SS18L1: variants seen among roughly 807,000 people sequenced by gnomAD.
SS18L1 encodes SS18L1 subunit of BAF chromatin remodeling complex, also known as calcium-responsive transactivator.
A neutral mutation model predicts 70.3 loss-of-function variants in SS18L1; 32 were observed. That is an observed-to-expected ratio of 0.46 (90% CI 0.34 to 0.61). SS18L1 has a LOEUF of 0.61. Among genes scored for constraint, SS18L1 ranks in the 20% least tolerant of loss-of-function variants. The pLI is 0.01. For synonymous variants in SS18L1, 237 were observed against 229.7 expected (o/e 1.03, Z -0.29); for missense variants, 430 against 542.1 (o/e 0.79, Z 2.05).
rs140078195 is a variant in SS18L1, at chr20:62,146,587, C to T, written c.69+2698C>T. 3.0e-3 allele frequency among the ~76,000 whole-genome samples: 418 copies of T among 139,744 alleles called. 1 individual carries two copies. Among genetic ancestry groups the T allele is most frequent in the African/African-American group, 8.8e-3 (323 of 36,736 alleles). 91.7% of individuals were successfully genotyped at this position (139,744 alleles called of 152,430 possible). On this transcript the variant is annotated intron_variant, in intron 1 of 10. Coordinates refer to ENST00000331758, the MANE Select transcript of SS18L1 (RefSeq NM_198935.3). ...TTCTCTGGCTTGTAGGTGCATCCAGCGTGTCTCTGCTTTGATCATTTTTTT... is the reference window on the plus strand; with the variant it reads ...TTCTCTGGCTTGTAGGTGCATCCAGTGTGTCTCTGCTTTGATCATTTTTTT...
chr20:62,162,779 C>A lies in SS18L1; in HGVS notation c.404C>A (p.Thr135Lys), dbSNP rs756376662. 1 of 1,611,692 alleles carries A rather than the reference C, an allele frequency of 6.2e-7. No individual in the cohort carries two copies. The highest frequency in any genetic ancestry group is 8.5e-7 in the Non-Finnish European group (1 of 1,179,098). Residue 135 changes from threonine (T) to lysine (K), a missense_variant, in exon 5 of 11, where the codon ACG (threonine) becomes AAG (lysine). Coordinates refer to ENST00000331758, the MANE Select transcript of SS18L1 (RefSeq NM_198935.3). The stretch of plus-strand genomic sequence containing the variant: ...CCGAGCCACGTGTCCATGCAGCAGA[C>A]GGCGCCTAACACGCTGCCCACCACC... ...NGPSHVSMQQTAPNTLPTTSM... is the reference protein window; with the variant it reads ...NGPSHVSMQQKAPNTLPTTSM...
chr20:62,168,813 CAAAAAT>C (rs995299703), intron 8 of SS18L1, among the ~76,000 whole-genome samples: 24 of 152,272 alleles, frequency 1.6e-4, no homozygotes, highest in Admixed American at 1.4e-3. Flanking sequence ...GACCCTGTCT[CAAAAAT>C]AAAAAGAATT....
In SS18L1 at chr20:62,163,460, T is replaced by G. The variant is rs2145744169; in HGVS notation, c.559T>G (p.Ser187Ala). ...TNINMQSNPV[S>A]MMQQQAATSH... is the part of the protein sequence containing the mutation. ...GGGGCCTCTGTCCTGTCGTTCAGTCTCCATGATGCAGCAGCAGGCGGCCAC... is the reference window on the plus strand; with the variant it reads ...GGGGCCTCTGTCCTGTCGTTCAGTCGCCATGATGCAGCAGCAGGCGGCCAC... The change falls in exon 6 of 11, where the codon TCC becomes GCC. Residue 187 changes from serine to alanine, a missense_variant and splice_region_variant. By Grantham distance (99) the Ser-to-Ala change is moderately conservative. Transcript: ENST00000331758. 6.2e-7 allele frequency: 1 copy of G among 1,612,108 alleles called. No homozygotes were observed. Among genetic ancestry groups the G allele is most frequent in the East Asian group, 2.2e-5 (1 of 44,852 alleles).
chr20:62,173,447 CGCCTATAATCCCA>C (rs1445256694), intron 9 of SS18L1, among the ~76,000 whole-genome samples: 1 of 152,174 alleles, frequency 6.6e-6, no homozygotes, highest in African/African-American at 2.4e-5. Flanking sequence ...TGGTGGCTCA[CGCCTATAATCCCA>C]GCACTTTGGG....
intron 3 of SS18L1, among the ~76,000 whole-genome samples, chr20:62,160,384 G>GGATGGGGAGA (rs2057306886): frequency 1.8e-5 from 2 of 114,226 alleles, no homozygotes; most frequent in East Asian, 2.3e-4. Context: ...GGGAGAGGTG[G>GGATGGGGAGA]GGTGGGGAGA....
intron 1 of SS18L1, among the ~76,000 whole-genome samples, chr20:62,153,703 T>A (rs1412716292): frequency 1.3e-5 from 2 of 152,164 alleles, no homozygotes; most frequent in Non-Finnish European, 2.9e-5. Context: ...CTAGTGTATC[T>A]CCTCCTTTGC....
Position 62,161,275 on chromosome 20 carries a change from G to C in SS18L1, c.232-161G>C. 1 of 957,708 alleles carries C rather than the reference G, an allele frequency of 1.0e-6. No individual in the cohort carries two copies. Among genetic ancestry groups the C allele is most frequent in the Non-Finnish European group, 1.6e-6 (1 of 621,002 alleles). The allele number at this position is 957,708 out of a possible 1,614,324, so 59.3% of individuals were successfully genotyped here. A position where few individuals can be genotyped will look rare whatever the true frequency, so the allele number is the denominator to read the frequency against. ...TCTCCATCTGGGCCTGGTGCTCTGC[G>C]GTCACCTGGCTGTGACGATGGCTGC... On this transcript the variant is annotated intron_variant, in intron 3 of 10. Coordinates refer to ENST00000331758, the MANE Select transcript of SS18L1 (RefSeq NM_198935.3). This position sits in a 1 kb window ranked among gnomAD's most constrained non-coding sequence, Gnocchi z 4.4.
chr20:62,162,904 A>G lies in SS18L1; in HGVS notation c.529A>G (p.Thr177Ala). Residue 177 changes from threonine (T) to alanine (A), a missense_variant, in exon 5 of 11, where the codon ACC becomes GCC. By Grantham distance (58) the Thr-to-Ala change is moderately conservative. Transcript: ENST00000331758. ...CACCATCGGCAACTACGTGTCTCGG[A>G]CCAACATCAACATGCAGTCCAACCC... ...QGTIGNYVSRTNINMQSNPVS... is the reference protein window; with the variant it reads ...QGTIGNYVSRANINMQSNPVS... 1.2e-6 allele frequency: 2 copies of G among 1,612,764 alleles called. No homozygotes were observed. The highest frequency in any genetic ancestry group is 1.7e-6 in the Non-Finnish European group (2 of 1,179,920).
In SS18L1 at chr20:62,165,409, C is replaced by T. The variant is rs752991158; in HGVS notation, c.824-13C>T. On this transcript the variant is annotated splice_polypyrimidine_tract_variant and intron_variant, in intron 7 of 10. Transcript: ENST00000331758. ...CAGCCTCCGCTGACTGTCGCCGTCT[C>T]CGTTTCGCACAGGCCATGGCGATTA... The T allele has an allele frequency of 6.2e-7, 1 of 1,608,660 alleles. No individual in the cohort carries two copies. Among genetic ancestry groups the T allele is most frequent in the Non-Finnish European group, 8.5e-7 (1 of 1,178,422 alleles).
rs61598322 is a variant in SS18L1 at position 62,164,036 on chromosome 20, C to T, written c.722-109C>T. On this transcript the variant is annotated intron_variant, in intron 6 of 10. Coordinates refer to ENST00000331758, the MANE Select transcript of SS18L1 (RefSeq NM_198935.3). ...CGATGACAGCGTGGGGTGTTCTCCT[C>T]GGGTGGGTGAGGCCATTCAGCAAGG... 56,907 of 897,162 alleles carry T rather than the reference C, an allele frequency of 0.063. 2,440 individuals are homozygous for T. The highest frequency in any genetic ancestry group is 0.15 in the South Asian group (8,845 of 58,446). The allele number at this position is 897,162 out of a possible 1,614,324, so 55.6% of individuals were successfully genotyped here.
intron 8 of SS18L1, among the ~76,000 whole-genome samples, chr20:62,171,349 C>T (rs971935243): frequency 7.2e-5 from 11 of 152,194 alleles, no homozygotes; most frequent in African/African-American, 2.7e-4. Context: ...AGGATAGTGA[C>T]CTTAAGTCTT....
chr20:62,163,432 T>G (rs748276447), intron 5 of SS18L1, 26 bp from the exon 6 acceptor site: 1 of 1,611,038 alleles, frequency 6.2e-7, no homozygotes, highest in Non-Finnish European at 8.5e-7. Flanking sequence ...CCCGGGGTGA[T>G]GTGGGGCCTC....
In SS18L1 at chr20:62,158,578, C is replaced by T. The variant is rs2057265105; in HGVS notation, c.70-94C>T. The T allele has an allele frequency of 2.0e-6, 3 of 1,531,902 alleles. No homozygotes were observed. Among genetic ancestry groups the T allele is most frequent in the Non-Finnish European group, 2.6e-6 (3 of 1,138,086 alleles). The allele number at this position is 1,531,902 out of a possible 1,614,324, so 94.9% of individuals were successfully genotyped here. ...CACGTTTCACGTAAGGGACGCTCAA[C>T]CTATATGAAAACTAGATGTGTAGCG... is the stretch of plus-strand genomic sequence containing the variant. On this transcript the variant is annotated intron_variant, in intron 1 of 10. Coordinates refer to ENST00000331758, the MANE Select transcript of SS18L1 (RefSeq NM_198935.3). This position sits in a 1 kb window ranked among gnomAD's most constrained non-coding sequence, Gnocchi z 4.5.
At position 62,181,802 on chromosome 20, in the gene SS18L1, A is replaced by G. The variant is rs1250854246; in HGVS notation, c.*2594A>G. On this transcript the variant is annotated 3_prime_UTR_variant, in exon 11 of 11. Coordinates refer to ENST00000331758, the MANE Select transcript of SS18L1 (RefSeq NM_198935.3). ...TGAATGTTGAGCAAAGCTTAGGCCA[A>G]CATGAATTGTTTGTGAAGTGTGGTT... 1 of 227,190 alleles carries G rather than the reference A, an allele frequency of 4.4e-6. No homozygotes were observed. Among genetic ancestry groups the G allele is most frequent in the African/African-American group, 2.2e-5 (1 of 45,006 alleles). 14.1% of individuals were successfully genotyped at this position (227,190 alleles called of 1,614,324 possible). A position where few individuals can be genotyped will look rare whatever the true frequency, so the allele number is the denominator to read the frequency against.
At chr20:62,163,323 C>G in intron 5 of SS18L1, 135 bp from the exon 6 acceptor site, 1 of 1,306,140 alleles carries the variant, frequency 7.7e-7, no homozygotes, top group Non-Finnish European at 1.0e-6. Flanking sequence ...GCGTGCCTTG[C>G]GGTGGAGGAC....
intron 1 of SS18L1, among the ~76,000 whole-genome samples, chr20:62,155,627 A>T (rs1352733479): frequency 6.6e-6 from 1 of 152,024 alleles, no homozygotes; most frequent in Non-Finnish European, 1.5e-5. Context: ...TTCAGTGCCC[A>T]AGCATCTTTC....
In SS18L1 at chr20:62,180,218, G is replaced by C. The variant is rs1240819729; in HGVS notation, c.*1010G>C. On this transcript the variant is annotated 3_prime_UTR_variant, in exon 11 of 11. Coordinates refer to ENST00000331758, the MANE Select transcript of SS18L1 (RefSeq NM_198935.3). ...CAAGCATTTCTTTTCTTTTAGGGAT[G>C]TCTGAAAGTCACATCCAGTTACATT... is the stretch of plus-strand genomic sequence containing the variant. The C allele has an allele frequency of 4.9e-6, 1 of 203,394 alleles. No homozygotes were observed. Among genetic ancestry groups the C allele is most frequent in the Non-Finnish European group, 1.0e-5 (1 of 99,172 alleles). The allele number at this position is 203,394 out of a possible 1,614,324, so 12.6% of individuals were successfully genotyped here. A position where few individuals can be genotyped will look rare whatever the true frequency, so the allele number is the denominator to read the frequency against.
At chr20:62,178,345 G>T (rs1163662237) in intron 10 of SS18L1, among the ~76,000 whole-genome samples, 2 of 151,344 alleles carry the variant, frequency 1.3e-5, no homozygotes, top group Non-Finnish European at 1.5e-5. Context: ...TAGAGATGGG[G>T]TTTCACCATG....
rs146629495 is a variant in SS18L1, at chr20:62,149,769, C to A, written c.69+5880C>A. On this transcript the variant is annotated intron_variant, in intron 1 of 10. Transcript: ENST00000331758. ...GAGCAAGGAATGGCCGGAATTTATC[C>A]GTGGTATTCGGAAAGGGAGGTGAGG... Among the ~76,000 whole-genome samples, 665 of 152,320 alleles carry A rather than the reference C, an allele frequency of 4.4e-3. 2 individuals are homozygous for A. The highest frequency in any genetic ancestry group is 0.013 in the African/African-American group (558 of 41,566).
Sources: gnomAD v4.1 joint callset for allele counts (sites outside exome capture counted in the v4.1 genomes callset) on GRCh38, gnomAD v4.1.1 for gene constraint, Gnocchi (gnomAD v3.1) non-coding constraint, MANE v1.5 for transcripts, NCBI Gene and HGNC (gene_info 2026-07-23, HGNC 2026-07-21) for gene names.